Variants in XRN2 observed in about 807,000 individuals in gnomAD.
XRN2 encodes the protein DHM1-like protein.
Under a neutral mutation model 138.5 loss-of-function variants are expected in XRN2, and 44 were observed. The observed-to-expected ratio is 0.32, with a 90% CI of 0.25 to 0.41. The LOEUF is 0.41. Ranked by LOEUF, XRN2 falls within the 10% of genes least tolerant of loss-of-function variation. The pLI, the probability that XRN2 is intolerant of heterozygous loss-of-function variation, is 1.00. For synonymous variants in XRN2, 354 were observed against 369.4 expected (o/e 0.96, Z 0.48); for missense variants, 937 against 1,169.3 (o/e 0.80, Z 2.90).
chr20:21,357,482 T>A (rs1328366078), intron 23 of XRN2, among the ~76,000 whole-genome samples: 1 of 152,214 alleles, frequency 6.6e-6, no homozygotes, highest in Non-Finnish European at 1.5e-5. Context: ...GGATGCTCAT[T>A]GACATCTTGT....
chr20:21,331,753 T>C lies in XRN2; in HGVS notation c.650-15T>C, dbSNP rs1568575211. ...ATAATATATTAATATAAATACATGTTTCTCTCTTGTTTAGCCCAGCCTAAC... is the reference window on the plus strand; with the variant it reads ...ATAATATATTAATATAAATACATGTCTCTCTCTTGTTTAGCCCAGCCTAAC... On this transcript the variant is annotated splice_polypyrimidine_tract_variant and intron_variant, in intron 7 of 29. Coordinates refer to ENST00000377191, the MANE Select transcript of XRN2 (RefSeq NM_012255.5). 1 of 1,602,752 alleles carries C rather than the reference T, an allele frequency of 6.2e-7. No homozygotes were observed.
At chr20:21,336,819 A>G (rs567904213) in intron 13 of XRN2, among the ~76,000 whole-genome samples, 1 of 152,318 alleles carries the variant, frequency 6.6e-6, no homozygotes, top group African/African-American at 2.4e-5. Context: ...CAGTTCTAGA[A>G]AAGGTGACGA....
rs931061886 is a variant in XRN2 at position 21,339,081 on chromosome 20, G to T, written c.1271G>T (p.Arg424Ile). 6.2e-7 allele frequency: 1 copy of T among 1,605,104 alleles called. No individual in the cohort carries two copies. The highest frequency in any genetic ancestry group is 8.5e-7 in the Non-Finnish European group (1 of 1,175,032). ...FRRRQKEKRK[R>I]MKRDQPAFTP... ...AGACGACAGAAAGAAAAAAGAAAGA[G>T]AATGAAGGTGAGTTTTAATTAATTT... is the stretch of plus-strand genomic sequence containing the variant. Residue 424 changes from arginine (R) to isoleucine (I), a missense_variant, in exon 14 of 30, where the codon AGA (arginine) becomes ATA (isoleucine). Transcript: ENST00000377191.
At chr20:21,374,650 A>C (rs939790056) in intron 27 of XRN2, among the ~76,000 whole-genome samples, 4 of 151,968 alleles carry the variant, frequency 2.6e-5, no homozygotes, top group Non-Finnish European at 4.4e-5. Flanking sequence ...TCTGGAGTAA[A>C]CCTAATTTCT....
At chr20:21,353,209 A>G (rs1441362766) in intron 20 of XRN2, among the ~76,000 whole-genome samples, 2 of 141,352 alleles carry the variant, frequency 1.4e-5, no homozygotes, top group African/African-American at 2.7e-5. Flanking sequence ...AATATAAATA[A>G]ATGTAGTGGG....
In XRN2 at chr20:21,348,377, G is replaced by C; in HGVS notation, c.1810G>C (p.Ala604Pro). The part of the protein sequence containing the change: ...PLEQLMGVFP[A>P]ASGNFLPPSW... ...AGAACAACTTATGGGGGTATTTCCA[G>C]CTGCAAGTGGTAATTTTCTACCTCC... Residue 604 changes from alanine to proline, a missense_variant, in exon 19 of 30, where the codon GCT becomes CCT. Ala to Pro is a conservative substitution (Grantham distance 27). Around this residue, in one of 6 missense-constraint regions of XRN2, gnomAD observed 5 missense variants for 21.7 expected, o/e 0.23. Coordinates refer to ENST00000377191, the MANE Select transcript of XRN2 (RefSeq NM_012255.5). 1 of 1,614,024 alleles carries C rather than the reference G, an allele frequency of 6.2e-7. No homozygotes were observed. Among genetic ancestry groups the C allele is most frequent in the Non-Finnish European group, 8.5e-7 (1 of 1,179,988 alleles).
chr20:21,316,143 A>G (rs1053233687), intron 1 of XRN2, among the ~76,000 whole-genome samples: 5 of 152,158 alleles, frequency 3.3e-5, no homozygotes, highest in Admixed American at 3.3e-4. Flanking sequence ...AATCCCAGCT[A>G]CTCAGGAGGC....
In XRN2 at chr20:21,305,553, C is replaced by CTTTT. The variant is rs1180206108; in HGVS notation, c.75+2100_75+2103dup. On this transcript the variant is annotated intron_variant, in intron 1 of 29. Coordinates refer to ENST00000377191, the MANE Select transcript of XRN2 (RefSeq NM_012255.5). ...ACAGGCATGAGCCACCATACGTGGCCTTTTTTTTTTTTTTTTTTTTTTTGG... is the reference window on the plus strand; with the variant it reads ...ACAGGCATGAGCCACCATACGTGGCCTTTTTTTTTTTTTTTTTTTTTTTTTTTGG... 4.2e-3 allele frequency among the ~76,000 whole-genome samples: 84 copies of CTTTT among 19,840 alleles called. 9 individuals are homozygous for CTTTT. The highest frequency in any genetic ancestry group is 0.032 in the Admixed American group (40 of 1,258). The allele number at this position is 19,840 out of a possible 152,430, so 13.0% of individuals were successfully genotyped here.
At chr20:21,383,625 C>G (rs1421794854) in intron 28 of XRN2, among the ~76,000 whole-genome samples, 1 of 152,150 alleles carries the variant, frequency 6.6e-6, no homozygotes, top group African/African-American at 2.4e-5. Context: ...GTAGGGACTT[C>G]AAAGGAAGTA....
intron 27 of XRN2, among the ~76,000 whole-genome samples, chr20:21,381,317 G>C (rs578227161): frequency 3.3e-5 from 5 of 152,130 alleles, no homozygotes; most frequent in Non-Finnish European, 2.9e-5. Flanking sequence ...GCTGTGGTTC[G>C]CTGATATAGA....
chr20:21,353,498 G>GA (rs869225621), intron 20 of XRN2, among the ~76,000 whole-genome samples: 23 of 145,254 alleles, frequency 1.6e-4, no homozygotes, highest in East Asian at 5.9e-4. Flanking sequence ...AACTTAAAAA[G>GA]AAAAAAAAAA....
At chr20:21,321,759 G>A (rs916308577) in intron 1 of XRN2, among the ~76,000 whole-genome samples, 3 of 152,120 alleles carry the variant, frequency 2.0e-5, no homozygotes, top group African/African-American at 7.2e-5. Context: ...CATTTCCAAA[G>A]GCTTTAAATG....
At chr20:21,342,821 G>A (rs2038389138) in intron 15 of XRN2, among the ~76,000 whole-genome samples, 1 of 152,142 alleles carries the variant, frequency 6.6e-6, no homozygotes, top group South Asian at 2.1e-4. Flanking sequence ...AGGCCACACA[G>A]CCAGTAAAGG....
At chr20:21,389,170 TACTC>T in intron 29 of XRN2, 99 bp from the exon 30 acceptor site, 1 of 1,029,888 alleles carries the variant, frequency 9.7e-7, no homozygotes, top group Non-Finnish European at 1.4e-6. Flanking sequence ...CTTTAACACA[TACTC>T]AGTTTCCTTA....
At chr20:21,346,580 G>T (rs748140988) in intron 17 of XRN2, 30 bp downstream of exon 17, 3 of 1,591,294 alleles carry the variant, frequency 1.9e-6, no homozygotes, top group South Asian at 1.1e-5. Flanking sequence ...CTCTGAATTT[G>T]TAGTTAATCA....
chr20:21,354,447 G>A (rs1186719282), intron 20 of XRN2, among the ~76,000 whole-genome samples: 2 of 152,154 alleles, frequency 1.3e-5, no homozygotes, highest in Admixed American at 6.5e-5. Context: ...TGGCTTGCTT[G>A]GGGGCATCTT....
At position 21,349,464 on chromosome 20, in the gene XRN2, A is replaced by G. The variant is rs2038479481; in HGVS notation, c.1936+3A>G. The G allele has an allele frequency of 6.3e-7, 1 of 1,595,746 alleles. No individual in the cohort carries two copies. The highest frequency in any genetic ancestry group is 1.3e-5 in the African/African-American group (1 of 74,486). Reference sequence around the variant, plus strand: ...TGGGAAGAAATATGCATGGCAAGGTAAAATTTAGACGTTCTTTTCTGGTAA... The same window carrying G: ...TGGGAAGAAATATGCATGGCAAGGTGAAATTTAGACGTTCTTTTCTGGTAA... On this transcript the variant is annotated splice_donor_region_variant and intron_variant, in intron 20 of 29. Transcript: ENST00000377191.
Position 21,349,422 on chromosome 20 carries a change from T to G in XRN2, c.1897T>G (p.Phe633Val). The change falls in exon 20 of 30, where the codon TTT (phenylalanine) becomes GTT (valine). Residue 633 changes from phenylalanine to valine, a missense_variant. Transcript: ENST00000377191. ...TATAATTGACTTCTATCCTGAAGAT[T>G]TTGCTATTGATTTGAATGGGAAGAA... ...SSIIDFYPED[F>V]AIDLNGKKYA... 2 of 1,609,228 alleles carry G rather than the reference T, an allele frequency of 1.2e-6. No individual in the cohort carries two copies. The highest frequency in any genetic ancestry group is 1.7e-6 in the Non-Finnish European group (2 of 1,175,944).
At chr20:21,362,508 A>C (rs1305657604) in intron 24 of XRN2, among the ~76,000 whole-genome samples, 1 of 152,108 alleles carries the variant, frequency 6.6e-6, no homozygotes. Flanking sequence ...ATGTGTGTCG[A>C]AGACTGTTGC....
Sources: allele counts gnomAD v4.1 joint callset (sites outside exome capture counted in the v4.1 genomes callset), GRCh38; gene constraint gnomAD v4.1.1; regional missense constraint gnomAD v4.1.1; transcripts MANE v1.5; gene names NCBI Gene and HGNC (gene_info 2026-07-23, HGNC 2026-07-21).